SLC6A5: variants seen among roughly 807,000 people sequenced by gnomAD.
SLC6A5 encodes the protein solute carrier family 6 member 5.
Under a neutral mutation model 90.5 loss-of-function variants are expected in SLC6A5, and 58 were observed. That is an observed-to-expected ratio of 0.64 (90% CI 0.52 to 0.80). The LOEUF (loss-of-function observed/expected upper bound fraction) is 0.80. Among genes scored for constraint, SLC6A5 ranks in the 30% least tolerant of loss-of-function variants. The probability of loss-of-function intolerance (pLI) is 0.00; values close to 1 mark genes in which losing one functional copy is unlikely to be tolerated. For missense variants in SLC6A5, 1,015 were observed against 1,017.6 expected (o/e 1.00, Z 0.03); for synonymous variants, 427 against 401.4 (o/e 1.06, Z -0.76).
intron 10 of SLC6A5, among the ~76,000 whole-genome samples, chr11:20,632,889 A>G (rs1302516245): frequency 6.6e-6 from 1 of 152,164 alleles, no homozygotes; most frequent in Non-Finnish European, 1.5e-5. Context: ...ATGACCTAAC[A>G]CTATGCGATT....
chr11:20,631,976 G>T (rs1853117538), intron 10 of SLC6A5, among the ~76,000 whole-genome samples: 1 of 152,190 alleles, frequency 6.6e-6, no homozygotes, highest in South Asian at 2.1e-4. Context: ...TTCCAGGGGT[G>T]CAATTATCTC....
At chr11:20,608,944 CTCTCTCTCTCTCTCTGTGTG>C (rs1430439367) in intron 5 of SLC6A5, among the ~76,000 whole-genome samples, 7,248 of 118,246 alleles carry the variant, frequency 0.061, 486 homozygotes, top group East Asian at 0.35. Context: ...CTCTCTCTCT[CTCTCTCTCTCTCTCTGTGTG>C]TGTGTGTGTG....
chr11:20,617,724 T>TC, intron 6 of SLC6A5, 28 bp from the exon 7 acceptor site: 1 of 1,606,408 alleles, frequency 6.2e-7, no homozygotes, highest in Non-Finnish European at 8.5e-7. Context: ...TTTCTATCAC[T>TC]CCCCCCATCC....
chr11:20,608,956 CTCTGTGTG>C (rs1565273646), intron 5 of SLC6A5, among the ~76,000 whole-genome samples: 3 of 113,306 alleles, frequency 2.6e-5, no homozygotes, highest in South Asian at 2.9e-4. Flanking sequence ...CTCTCTCTCT[CTCTGTGTG>C]TGTGTGTGTG....
At chr11:20,640,050 C>T (rs192745605) in intron 13 of SLC6A5, among the ~76,000 whole-genome samples, 330 of 152,272 alleles carry the variant, frequency 2.2e-3, no homozygotes, top group African/African-American at 7.4e-3. Context: ...TCCACCACAG[C>T]GTATCTTAAC....
chr11:20,606,370 C>T (rs1852581310), intron 3 of SLC6A5, among the ~76,000 whole-genome samples: 1 of 152,172 alleles, frequency 6.6e-6, no homozygotes, highest in Non-Finnish European at 1.5e-5. Context: ...AGAAGGGAGA[C>T]TTCTTGGAGG....
At chr11:20,615,530 G>A (rs1251306161) in intron 6 of SLC6A5, among the ~76,000 whole-genome samples, 2 of 152,078 alleles carry the variant, frequency 1.3e-5, no homozygotes, top group Non-Finnish European at 2.9e-5. Context: ...ACCATGCTCG[G>A]CTAATTTTTT....
intron 7 of SLC6A5, 56 bp from the exon 8 acceptor site, chr11:20,626,652 A>G (rs1853000457): frequency 1.2e-6 from 2 of 1,600,030 alleles, no homozygotes; most frequent in Admixed American, 3.3e-5. Flanking sequence ...CTCCTTCTGC[A>G]CAGGTGCACT....
intron 13 of SLC6A5, among the ~76,000 whole-genome samples, chr11:20,640,694 AG>A (rs1853295808): frequency 6.0e-5 from 1 of 16,610 alleles, no homozygotes; most frequent in Non-Finnish European, 3.6e-4. Context: ...TGACTGTTTG[AG>A]GTAAAAAAAA....
chr11:20,618,127 G>C (rs200203031), intron 7 of SLC6A5, among the ~76,000 whole-genome samples: 1 of 18 alleles, frequency 0.056, no homozygotes, highest in Non-Finnish European at 0.5. Context: ...AAGGGATGGT[G>C]GGGGGTACTC....
chr11:20,620,830 C>T (rs11025657), intron 7 of SLC6A5, among the ~76,000 whole-genome samples: 19,408 of 151,894 alleles, frequency 0.13, 1,308 homozygotes, highest in Middle Eastern at 0.23. Context: ...GATGGAGTCT[C>T]GCTTTGTCAC....
chr11:20,653,380 C>T (rs1853577618), intron 15 of SLC6A5, among the ~76,000 whole-genome samples: 1 of 152,150 alleles, frequency 6.6e-6, no homozygotes, highest in Non-Finnish European at 1.5e-5. Flanking sequence ...TAACAAGCCC[C>T]CTCGTTAGCG....
Position 20,655,020 on chromosome 11 carries a change from C to A in SLC6A5, c.*152C>A. Reference sequence around the variant, plus strand: ...GAGAGTGATTATGTAGAAAAGTAGGCATAGTGTCGCATGCTGCAGTAAAGA... The same window carrying A: ...GAGAGTGATTATGTAGAAAAGTAGGAATAGTGTCGCATGCTGCAGTAAAGA... On this transcript the variant is annotated 3_prime_UTR_variant, in exon 16 of 16. Coordinates refer to ENST00000525748, the MANE Select transcript of SLC6A5 (RefSeq NM_004211.5). 2 of 840,298 alleles carry A rather than the reference C, an allele frequency of 2.4e-6. No homozygotes were observed. Among genetic ancestry groups the A allele is most frequent in the Non-Finnish European group, 2.0e-6 (1 of 493,138 alleles). The allele number at this position is 840,298 out of a possible 1,614,324, so 52.1% of individuals were successfully genotyped here.
intron 14 of SLC6A5, among the ~76,000 whole-genome samples, chr11:20,649,902 A>G (rs1004477218): frequency 2.3e-4 from 35 of 152,210 alleles, no homozygotes; most frequent in Non-Finnish European, 5.1e-4. Flanking sequence ...TAGAGTAGAC[A>G]TCTCTTTCCA....
intron 1 of SLC6A5, among the ~76,000 whole-genome samples, chr11:20,600,344 A>AGAAGAAGAG (rs1491391441): frequency 4.1e-4 from 25 of 60,526 alleles, no homozygotes; most frequent in South Asian, 1.0e-3. Flanking sequence ...AGGAAGAAGA[A>AGAAGAAGAG]GAAGAAGAAG....
At chr11:20,646,109 T>G (rs907934414) in intron 13 of SLC6A5, among the ~76,000 whole-genome samples, 3 of 152,186 alleles carry the variant, frequency 2.0e-5, no homozygotes, top group Non-Finnish European at 4.4e-5. Flanking sequence ...TTCTAAAATA[T>G]TTCTCAATGC....
chr11:20,634,421 A>C (rs546322428), intron 10 of SLC6A5, among the ~76,000 whole-genome samples: 1 of 152,384 alleles, frequency 6.6e-6, no homozygotes, highest in South Asian at 2.1e-4. Flanking sequence ...AAATGGAAGC[A>C]GACTGAATAT....
At chr11:20,645,763 C>T (rs887903195) in intron 13 of SLC6A5, among the ~76,000 whole-genome samples, 6 of 151,572 alleles carry the variant, frequency 4.0e-5, no homozygotes, top group Admixed American at 6.6e-5. Flanking sequence ...CTCAGCCTCC[C>T]GAGTACCTGG....
chr11:20,634,445 G>A (rs1202329706), intron 10 of SLC6A5, among the ~76,000 whole-genome samples: 1 of 152,192 alleles, frequency 6.6e-6, no homozygotes, highest in Non-Finnish European at 1.5e-5. Context: ...GAAATCACTT[G>A]TTTCCTCTAA....
Sources: gnomAD v4.1 joint callset for allele counts (sites outside exome capture counted in the v4.1 genomes callset) on GRCh38, gnomAD v4.1.1 for gene constraint, MANE v1.5 for transcripts, NCBI Gene and HGNC (gene_info 2026-07-23, HGNC 2026-07-21) for gene names.